Variants in SFMBT2 observed in about 807,000 individuals in gnomAD.
The protein encoded by SFMBT2 is Scm like with four mbt domains 2, also known as scm-like with four MBT domains protein 2.
A neutral mutation model predicts 110.1 loss-of-function variants in SFMBT2; 38 were observed. The ratio of observed to expected loss-of-function variants is 0.35; its 90% CI spans 0.27 to 0.45. SFMBT2 has a LOEUF of 0.45. SFMBT2 is among the 20% of genes least tolerant of loss of function. The pLI, the probability that SFMBT2 is intolerant of heterozygous loss-of-function variation, is 1.00. For synonymous variants in SFMBT2, 425 were observed against 425.4 expected, an observed-to-expected ratio of 1.00 and a Z score of 0.01; for missense variants, 1,011 against 1,094.9, an observed-to-expected ratio of 0.92 and a Z score of 1.08.
intron 9 of SFMBT2, among the ~76,000 whole-genome samples, chr10:7,232,247 T>G (rs1432931520): frequency 6.6e-6 from 1 of 152,156 alleles, no homozygotes; most frequent in African/African-American, 2.4e-5. Context: ...CAGCTCTATT[T>G]GCACACATCA....
chr10:7,390,579 C>T (rs994228814), intron 1 of SFMBT2, among the ~76,000 whole-genome samples: 1 of 151,734 alleles, frequency 6.6e-6, no homozygotes, highest in African/African-American at 2.4e-5. Flanking sequence ...AAAATCATTC[C>T]GCCTCAAAAA....
intron 4 of SFMBT2, among the ~76,000 whole-genome samples, chr10:7,364,093 C>A (rs777160272): frequency 6.6e-6 from 1 of 152,158 alleles, no homozygotes; most frequent in Non-Finnish European, 1.5e-5. Flanking sequence ...GAACAACTGC[C>A]GCCTCTGGCT....
chr10:7,238,545 G>C (rs961118869), intron 9 of SFMBT2, among the ~76,000 whole-genome samples: 4 of 152,180 alleles, frequency 2.6e-5, no homozygotes, highest in Non-Finnish European at 5.9e-5. Context: ...TTTAGGAAAA[G>C]AGAATACGAC....
Position 7,162,776 on chromosome 10 carries a change from G to A in SFMBT2, c.*994C>T, listed in dbSNP as rs1205600008. ...GTCTAGAAAAGACTGGGTAGAGTTT[G>A]TCTCTACAGATGTTCTAGGCTTCAA... On this transcript the variant is annotated 3_prime_UTR_variant, in exon 21 of 21. Transcript: ENST00000397167. 2 of 152,212 alleles carry A rather than the reference G, an allele frequency of 1.3e-5. No homozygotes were observed. Among genetic ancestry groups the A allele is most frequent in the African/African-American group, 2.4e-5 (1 of 41,446 alleles). 9.4% of individuals were successfully genotyped at this position (152,212 alleles called of 1,614,324 possible). A position where few individuals can be genotyped will look rare whatever the true frequency, so the allele number is the denominator to read the frequency against.
chr10:7,315,066 A>G (rs966625218), intron 4 of SFMBT2, among the ~76,000 whole-genome samples: 2 of 142,444 alleles, frequency 1.4e-5, no homozygotes, highest in African/African-American at 5.2e-5. Flanking sequence ...GAAAGAAAGA[A>G]AGAAAGAAAG....
chr10:7,276,156 C>G (rs1423147843), intron 7 of SFMBT2, among the ~76,000 whole-genome samples: 3 of 152,206 alleles, frequency 2.0e-5, no homozygotes, highest in African/African-American at 7.2e-5. Context: ...GGTGGAGATG[C>G]ATTTCACAAG....
rs115361126 is a variant in SFMBT2 at position 7,338,478 on chromosome 10, G to A, written c.436+29171C>T. Reference sequence around the variant, plus strand: ...ATGTATTATGTGCGGTACTCTTATCGTCAAGTATGCTAGAGAAAAGAAAAT... The same window carrying A: ...ATGTATTATGTGCGGTACTCTTATCATCAAGTATGCTAGAGAAAAGAAAAT... On this transcript the variant is annotated intron_variant, in intron 4 of 20. Transcript: ENST00000397167. Among the ~76,000 whole-genome samples the A allele has an allele frequency of 1.0e-2, 1,520 of 152,218 alleles. 25 individuals are homozygous for A. Among genetic ancestry groups the A allele is most frequent in the African/African-American group, 0.035 (1,457 of 41,532 alleles).
At chr10:7,345,369 G>C (rs146543334) in intron 4 of SFMBT2, among the ~76,000 whole-genome samples, 3,060 of 152,172 alleles carry the variant, frequency 0.02, 54 homozygotes, top group Non-Finnish European at 0.028. Context: ...ATTTTTACTT[G>C]TTGTTTTGAG....
chr10:7,382,621 G>A (rs1009724430), intron 1 of SFMBT2, among the ~76,000 whole-genome samples: 2 of 151,238 alleles, frequency 1.3e-5, no homozygotes, highest in Non-Finnish European at 2.9e-5. Context: ...TTGAAGCTAT[G>A]TAGCAGCAAC....
intron 1 of SFMBT2, among the ~76,000 whole-genome samples, chr10:7,404,222 G>C (rs1184520465): frequency 1.3e-5 from 2 of 152,180 alleles, no homozygotes; most frequent in African/African-American, 4.8e-5. Flanking sequence ...CAATCCAAAT[G>C]TCCCATTCCT....
chr10:7,228,881 C>A (rs12414626), intron 9 of SFMBT2, among the ~76,000 whole-genome samples: 1 of 150,734 alleles, frequency 6.6e-6, no homozygotes, highest in Non-Finnish European at 1.5e-5. Context: ...AGACAGGAGA[C>A]GAGGTGAGAG....
intron 17 of SFMBT2, 54 bp downstream of exon 17, chr10:7,175,936 G>T: frequency 6.6e-7 from 1 of 1,509,904 alleles, no homozygotes; most frequent in Non-Finnish European, 9.1e-7. Context: ...ATACCTTAGA[G>T]TGCAGTTTAG....
Position 7,262,589 on chromosome 10 carries a change from G to A in SFMBT2, c.871-13940C>T, listed in dbSNP as rs148888504. On this transcript the variant is annotated intron_variant, in intron 7 of 20. Coordinates refer to ENST00000397167, the MANE Select transcript of SFMBT2 (RefSeq NM_001387889.1). ...AAGCCATTTGGGAGTGAGAACTCCC[G>A]GAGCAGATAACTGAAAGTTGACTAA... Among the ~76,000 whole-genome samples, 980 of 152,258 alleles carry A rather than the reference G, an allele frequency of 6.4e-3. 2 individuals carry two copies. Among genetic ancestry groups the A allele is most frequent in the Non-Finnish European group, 0.011 (782 of 68,034 alleles).
chr10:7,214,564 G>A, intron 11 of SFMBT2: 3 of 985,436 alleles, frequency 3.0e-6, no homozygotes, highest in Non-Finnish European at 3.6e-6. Context: ...AAATTCTACG[G>A]ACTTATGGGA....
At chr10:7,388,670 C>T (rs1464276271) in intron 1 of SFMBT2, among the ~76,000 whole-genome samples, 4 of 151,844 alleles carry the variant, frequency 2.6e-5, no homozygotes, top group Non-Finnish European at 5.9e-5. Flanking sequence ...GCCACCACAC[C>T]CCACCAGAAG....
At chr10:7,377,806 C>T (rs747281968) in intron 2 of SFMBT2, among the ~76,000 whole-genome samples, 20 of 152,156 alleles carry the variant, frequency 1.3e-4, no homozygotes, top group Admixed American at 7.9e-4. Flanking sequence ...CAGCCCAGTT[C>T]GTAACAGCCC....
intron 2 of SFMBT2, among the ~76,000 whole-genome samples, chr10:7,373,136 T>A (rs560653459): frequency 6.6e-6 from 1 of 150,824 alleles, no homozygotes; most frequent in East Asian, 1.9e-4. Flanking sequence ...ATGACTAGAT[T>A]AATGTCCTCC....
At chr10:7,348,219 G>A (rs1844178548) in intron 4 of SFMBT2, 4 of 1,347,342 alleles carry the variant, frequency 3.0e-6, no homozygotes, top group African/African-American at 3.0e-5. Flanking sequence ...TGGTGGGAGA[G>A]GTTCGTGTGG....
chr10:7,329,760 T>TC (rs1843510147), intron 4 of SFMBT2: 1 of 152,280 alleles, frequency 6.6e-6, no homozygotes, highest in African/African-American at 2.4e-5. Flanking sequence ...CCACATTTGT[T>TC]CCCCCATGAC....
Sources: allele counts gnomAD v4.1 joint callset (sites outside exome capture counted in the v4.1 genomes callset), GRCh38; gene constraint gnomAD v4.1.1; transcripts MANE v1.5; gene names NCBI Gene and HGNC (gene_info 2026-07-23, HGNC 2026-07-21).